The following ZBBX variants were observed in gnomAD, a reference collection of about 807,000 sequenced individuals.
ZBBX encodes the protein zinc finger B-box domain containing.
A neutral mutation model predicts 108.5 loss-of-function variants in ZBBX; 101 were observed. The observed-to-expected ratio is 0.93, with a 90% CI of 0.79 to 1.10. The LOEUF (loss-of-function observed/expected upper bound fraction) is 1.10. Ranked by LOEUF, ZBBX falls within the 50% of genes least tolerant of loss-of-function variation. The pLI, the probability that ZBBX is intolerant of heterozygous loss-of-function variation, is 0.00. For synonymous variants in ZBBX, 356 were observed against 323.4 expected, an observed-to-expected ratio of 1.10 and a Z score of -1.08; for missense variants, 1,009 against 941.4, an observed-to-expected ratio of 1.07 and a Z score of -0.94.
chr3:167,251,319 T>C (rs1722556596), intron 20 of ZBBX, among the ~76,000 whole-genome samples: 1 of 152,166 alleles, frequency 6.6e-6, no homozygotes, highest in Non-Finnish European at 1.5e-5. Flanking sequence ...TGTGACAAGG[T>C]AGAGGGTCTA....
chr3:167,260,555 G>C (rs1390709125), intron 20 of ZBBX, among the ~76,000 whole-genome samples: 2 of 152,122 alleles, frequency 1.3e-5, no homozygotes, highest in African/African-American at 4.8e-5. Flanking sequence ...GTCTTTGTTG[G>C]ATTGGGTTAA....
chr3:167,316,010 T>C (rs996493114), intron 14 of ZBBX, among the ~76,000 whole-genome samples, 181 bp from the exon 15 acceptor site: 1 of 152,134 alleles, frequency 6.6e-6, no homozygotes, highest in Non-Finnish European at 1.5e-5. Flanking sequence ...TGACATTGGT[T>C]GATATGTCAA....
At chr3:167,304,536 A>G (rs191505548) in intron 17 of ZBBX, among the ~76,000 whole-genome samples, 1 of 152,294 alleles carries the variant, frequency 6.6e-6, no homozygotes, top group African/African-American at 2.4e-5. Flanking sequence ...ATTAGTACTT[A>G]CTTCTGTCAG....
rs1319119417 is a variant in ZBBX, at chr3:167,282,438, T to C, written c.2054A>G (p.Glu685Gly). The change falls in exon 20 of 22, where the codon GAA (glutamate) becomes GGA (glycine). Residue 685 changes from glutamate (E) to glycine (G), a missense_variant. Physicochemically the swap from Glu to Gly is moderately conservative, Grantham distance 98. Coordinates refer to ENST00000675490, the MANE Select transcript of ZBBX (RefSeq NM_001199201.2). ...AGAGGATGAAAGGCAACTGGAGCTTTCTTTAACAGAGTTGGAAAGTGGAAA... is the reference window on the plus strand; with the variant it reads ...AGAGGATGAAAGGCAACTGGAGCTTCCTTTAACAGAGTTGGAAAGTGGAAA... ...ANFPLSNSVK[E>G]SSSCLSSSHP... 6.2e-7 allele frequency: 1 copy of C among 1,614,032 alleles called. No individual in the cohort carries two copies. The highest frequency in any genetic ancestry group is 1.7e-5 in the Admixed American group (1 of 60,026).
intron 1 of ZBBX, among the ~76,000 whole-genome samples, chr3:167,406,664 C>T (rs1162314277): frequency 6.6e-6 from 1 of 152,078 alleles, no homozygotes; most frequent in African/African-American, 2.4e-5. Flanking sequence ...TAGAATAATT[C>T]CCTGTTTGAA....
chr3:167,186,518 G>A, the ZBBX span, among the ~76,000 whole-genome samples: 1 of 152,136 alleles, frequency 6.6e-6, no homozygotes, highest in Non-Finnish European at 1.5e-5. Flanking sequence ...GGCTTTCTGA[G>A]ATAATGCTTA....
intron 2 of ZBBX, among the ~76,000 whole-genome samples, chr3:167,375,023 T>C (rs1746728820): frequency 1.3e-5 from 2 of 152,182 alleles, no homozygotes; most frequent in African/African-American, 2.4e-5. Flanking sequence ...GCTTTAAATG[T>C]CAAGTTTATA....
chr3:167,199,549 GGAATAC>G, the ZBBX span, among the ~76,000 whole-genome samples: 1 of 152,108 alleles, frequency 6.6e-6, no homozygotes, highest in South Asian at 2.1e-4. Flanking sequence ...ACTAAGTAGA[GGAATAC>G]TACCAGGGAA....
Position 167,305,706 on chromosome 3 carries a change from C to T in ZBBX, c.1662G>A (p.Leu554=). Reference sequence around the variant, plus strand: ...GCCTCTTATACAGATTGCTCAATTCCAAGGATTCTTTGATGTCTTGAGATA... The same window carrying T: ...GCCTCTTATACAGATTGCTCAATTCTAAGGATTCTTTGATGTCTTGAGATA... ...EKLSQDIKES[L]ELSNLYKRPS... is the part of the protein sequence containing the mutation. The change falls in exon 17 of 22, where the codon TTG becomes TTA. Residue 554 remains leucine, a synonymous_variant. Transcript: ENST00000675490. 6.2e-7 allele frequency: 1 copy of T among 1,610,438 alleles called. No homozygotes were observed. The highest frequency in any genetic ancestry group is 8.5e-7 in the Non-Finnish European group (1 of 1,178,882).
rs59613369 is a variant in ZBBX, at chr3:167,263,035, C to CT, written c.2254+19202dup. On this transcript the variant is annotated intron_variant, in intron 20 of 21. Coordinates refer to ENST00000675490, the MANE Select transcript of ZBBX (RefSeq NM_001199201.2). ...TTGGTTTGTGCTTGCTTTTCTAGTT[C>CT]TTTTTTTTTTTTTTTTTTTTGAGAT... Among the ~76,000 whole-genome samples, 786 of 84,866 alleles carry CT rather than the reference C, an allele frequency of 9.3e-3. 11 individuals carry two copies. The highest frequency in any genetic ancestry group is 0.027 in the African/African-American group (588 of 21,820). The allele number at this position is 84,866 out of a possible 152,430, so 55.7% of individuals were successfully genotyped here.
chr3:167,385,333 G>T (rs1216578203), intron 1 of ZBBX, among the ~76,000 whole-genome samples: 1 of 151,888 alleles, frequency 6.6e-6, no homozygotes, highest in Non-Finnish European at 1.5e-5. Context: ...AAAAAGGACT[G>T]CCAAAATGCA....
the ZBBX span, among the ~76,000 whole-genome samples, chr3:167,232,430 CATT>C: frequency 6.6e-6 from 1 of 151,814 alleles, no homozygotes; most frequent in African/African-American, 2.4e-5. Context: ...GTTCTATTAT[CATT>C]ATCACTTATT....
intron 5 of ZBBX, 120 bp downstream of exon 5, chr3:167,368,341 C>T (rs911130751): frequency 6.7e-6 from 5 of 745,820 alleles, no homozygotes; most frequent in Non-Finnish European, 1.1e-5. Context: ...GCTCGTTCAT[C>T]AGGAAAAGTC....
At chr3:167,282,135 C>A in intron 20 of ZBBX, 103 bp downstream of exon 20, 1 of 1,253,574 alleles carries the variant, frequency 8.0e-7, no homozygotes, top group Non-Finnish European at 1.1e-6. Context: ...AAAAGGAAAG[C>A]TTTCTTGTTT....
intron 3 of ZBBX, 168 bp from the exon 4 acceptor site, chr3:167,373,118 A>G (rs1055657464): frequency 1.5e-4 from 63 of 427,212 alleles, no homozygotes; most frequent in Non-Finnish European, 2.4e-4. Context: ...TGTCCCCTTC[A>G]GCCACATATC....
intron 9 of ZBBX, among the ~76,000 whole-genome samples, chr3:167,349,169 C>A (rs372417999): frequency 2.0e-5 from 3 of 152,170 alleles, no homozygotes; most frequent in African/African-American, 7.2e-5. Context: ...CAGGGCTTAA[C>A]GTCACTGAGT....
At position 167,359,861 on chromosome 3, in the gene ZBBX, C is replaced by T. The variant is rs1049733442; in HGVS notation, c.432+9G>A. The T allele has an allele frequency of 5.1e-6, 7 of 1,360,640 alleles. No individual in the cohort carries two copies. The highest frequency in any genetic ancestry group is 1.9e-5 in the Admixed American group (1 of 51,442). The allele number at this position is 1,360,640 out of a possible 1,614,324, so 84.3% of individuals were successfully genotyped here. A position where few individuals can be genotyped will look rare whatever the true frequency, so the allele number is the denominator to read the frequency against. On this transcript the variant is annotated intron_variant, in intron 8 of 21. Transcript: ENST00000675490. ...CAGTATATGTATATATACTATATAACGTACATACCAGTAGAGCAGCTTTGT... is the reference window on the plus strand; with the variant it reads ...CAGTATATGTATATATACTATATAATGTACATACCAGTAGAGCAGCTTTGT...
At chr3:167,206,515 T>TA in the ZBBX span, among the ~76,000 whole-genome samples, 6 of 151,042 alleles carry the variant, frequency 4.0e-5, no homozygotes, top group Admixed American at 6.6e-5. Context: ...TAAAAATAAA[T>TA]AAAAAAAATG....
intron 17 of ZBBX, among the ~76,000 whole-genome samples, chr3:167,299,437 T>C (rs1254706467): frequency 1.3e-5 from 2 of 152,110 alleles, no homozygotes; most frequent in Admixed American, 6.6e-5. Flanking sequence ...ACAGAATTCT[T>C]TCCACTCTAC....
Sources: allele counts gnomAD v4.1 joint callset (sites outside exome capture counted in the v4.1 genomes callset), GRCh38; gene constraint gnomAD v4.1.1; transcripts MANE v1.5; gene names NCBI Gene and HGNC (gene_info 2026-07-23, HGNC 2026-07-21).